Variants in MAF observed in about 807,000 individuals in gnomAD.
MAF encodes the protein transcription factor Maf.
A neutral mutation model predicts 22.0 loss-of-function variants in MAF; 10 were observed. That is an observed-to-expected ratio of 0.45 (90% CI 0.28 to 0.77). MAF has a LOEUF of 0.77. MAF is among the 30% of genes least tolerant of loss of function. The pLI is 0.12. For missense variants in MAF, 544 were observed against 548.4 expected, an observed-to-expected ratio of 0.99 and a Z score of 0.08; for synonymous variants, 337 against 255.8, an observed-to-expected ratio of 1.32 and a Z score of -3.03.
the MAF span, among the ~76,000 whole-genome samples, chr16:79,509,675 C>T: frequency 6.6e-6 from 1 of 152,352 alleles, no homozygotes; most frequent in Non-Finnish European, 1.5e-5. Flanking sequence ...GTAATTCATT[C>T]ACAGTGGGGG....
the MAF span, among the ~76,000 whole-genome samples, chr16:79,402,605 G>C: frequency 6.6e-6 from 1 of 152,226 alleles, no homozygotes; most frequent in Admixed American, 6.5e-5. Context: ...CCAGAGGAAG[G>C]CCAAGGTTAG....
the MAF span, among the ~76,000 whole-genome samples, chr16:79,429,994 C>G: frequency 6.6e-6 from 1 of 152,296 alleles, no homozygotes; most frequent in South Asian, 2.1e-4. Context: ...CTACCGACAT[C>G]TTCTACCCTG....
the MAF span, among the ~76,000 whole-genome samples, chr16:79,398,694 G>C: frequency 1.6e-4 from 21 of 129,636 alleles, no homozygotes; most frequent in African/African-American, 4.7e-4. Context: ...CCCTACCTTG[G>C]ACTTGACCTC....
chr16:79,239,754 T>C, the MAF span, among the ~76,000 whole-genome samples: 1 of 151,940 alleles, frequency 6.6e-6, no homozygotes, highest in East Asian at 1.9e-4. Context: ...TCCCCAGAAG[T>C]TAGGATAGTC....
chr16:79,531,782 G>C, the MAF span, among the ~76,000 whole-genome samples: 1 of 152,142 alleles, frequency 6.6e-6, no homozygotes, highest in African/African-American at 2.4e-5. Flanking sequence ...TCTTTCTGCT[G>C]TGTGACCTGG....
chr16:79,574,546 T>C, the MAF span, among the ~76,000 whole-genome samples: 1 of 152,190 alleles, frequency 6.6e-6, no homozygotes, highest in South Asian at 2.1e-4. Context: ...TGGGATGAAC[T>C]GATCACTTCA....
chr16:79,519,314 C>A, the MAF span, among the ~76,000 whole-genome samples: 52 of 152,262 alleles, frequency 3.4e-4, no homozygotes, highest in African/African-American at 1.1e-3. Context: ...TAATGCATTC[C>A]AGCTGTGAAG....
At chr16:79,477,706 T>C in the MAF span, among the ~76,000 whole-genome samples, 3 of 152,264 alleles carry the variant, frequency 2.0e-5, no homozygotes, top group East Asian at 1.9e-4. Flanking sequence ...AAATTCATTG[T>C]GGAATTAAGT....
the MAF span, among the ~76,000 whole-genome samples, chr16:79,291,897 G>C: frequency 6.6e-6 from 1 of 150,766 alleles, no homozygotes; most frequent in Admixed American, 6.6e-5. Flanking sequence ...AGAATTGCAG[G>C]TGTGATGTGT....
At chr16:79,456,645 C>A in the MAF span, among the ~76,000 whole-genome samples, 1 of 152,268 alleles carries the variant, frequency 6.6e-6, no homozygotes, top group African/African-American at 2.4e-5. Flanking sequence ...TGTAAGCTAA[C>A]AGATGACAGA....
chr16:79,335,073 T>C, the MAF span, among the ~76,000 whole-genome samples: 2 of 151,034 alleles, frequency 1.3e-5, no homozygotes, highest in African/African-American at 4.9e-5. Context: ...TAGTCCCAGC[T>C]ACTCGGGAGG....
the MAF span, among the ~76,000 whole-genome samples, chr16:79,485,549 A>C: frequency 6.6e-6 from 1 of 152,320 alleles, no homozygotes; most frequent in Admixed American, 6.5e-5. Flanking sequence ...CTGTACATGA[A>C]GTACACATTG....
At chr16:79,588,432 T>C (rs1912988814) in intron 1 of MAF, among the ~76,000 whole-genome samples, 1 of 152,160 alleles carries the variant, frequency 6.6e-6, no homozygotes, top group South Asian at 2.1e-4. Context: ...TTCTCTTTTC[T>C]TTCTTTCTTT....
the MAF span, among the ~76,000 whole-genome samples, chr16:79,543,146 G>A: frequency 2.0e-5 from 3 of 152,210 alleles, no homozygotes; most frequent in Non-Finnish European, 4.4e-5. Context: ...ACATCATGAA[G>A]AGTGATAACA....
At chr16:79,438,471 G>C in the MAF span, among the ~76,000 whole-genome samples, 1 of 152,228 alleles carries the variant, frequency 6.6e-6, no homozygotes, top group African/African-American at 2.4e-5. Flanking sequence ...GGAGGAGGCT[G>C]CGGAGAATTA....
the MAF span, among the ~76,000 whole-genome samples, chr16:79,428,849 A>AATAATAATAAT: frequency 2.0e-4 from 29 of 146,640 alleles, no homozygotes; most frequent in Admixed American, 2.1e-4. Flanking sequence ...TGTCTCAGAA[A>AATAATAATAAT]AATAATAATA....
chr16:79,316,638 G>C, the MAF span, among the ~76,000 whole-genome samples: 1 of 152,140 alleles, frequency 6.6e-6, no homozygotes, highest in Middle Eastern at 3.2e-3. Flanking sequence ...ATCTCTTCCA[G>C]CATGCCAAGA....
the MAF span, among the ~76,000 whole-genome samples, chr16:79,390,433 A>C: frequency 1.3e-5 from 2 of 152,206 alleles, no homozygotes; most frequent in African/African-American, 4.8e-5. Context: ...TTTGGTTATT[A>C]ACATGTCTCT....
At chr16:79,384,322 G>A in the MAF span, among the ~76,000 whole-genome samples, 1 of 151,980 alleles carries the variant, frequency 6.6e-6, no homozygotes, top group Admixed American at 6.6e-5. Flanking sequence ...GTGGACACCT[G>A]TAATCCCAAC....
Sources: allele counts gnomAD v4.1 joint callset (sites outside exome capture counted in the v4.1 genomes callset), GRCh38; gene constraint gnomAD v4.1.1; transcripts MANE v1.5; gene names NCBI Gene and HGNC (gene_info 2026-07-23, HGNC 2026-07-21).